Variants in ZFHX3 observed in about 807,000 individuals in gnomAD.
ZFHX3 encodes zinc finger homeobox 3, also known as zinc finger homeobox protein 3.
A neutral mutation model predicts 279.1 loss-of-function variants in ZFHX3; 42 were observed. The ratio of observed to expected loss-of-function variants is 0.15; its 90% CI spans 0.12 to 0.19. The LOEUF (loss-of-function observed/expected upper bound fraction) is 0.19. Among genes scored for constraint, ZFHX3 ranks in the 10% least tolerant of loss-of-function variants. The pLI, the probability that ZFHX3 is intolerant of heterozygous loss-of-function variation, is 1.00. For synonymous variants in ZFHX3, 2,293 were observed against 1,957.8 expected (o/e 1.17, Z -4.52); for missense variants, 4,981 against 4,754.0 (o/e 1.05, Z -1.40).
chr16:72,787,369 G>C lies in ZFHX3; in HGVS notation c.10907C>G (p.Ser3636Cys). The C allele has an allele frequency of 6.2e-7, 1 of 1,609,782 alleles. No homozygotes were observed. Among genetic ancestry groups the C allele is most frequent in the Non-Finnish European group, 8.5e-7 (1 of 1,176,934 alleles). ...AAKPPSFPPL[S>C]SSSTVTSSSC... is the part of the protein sequence containing the mutation. ...ACTTGAGGTAACCGTTGAAGATGAG[G>C]AGAGAGGAGGAAAAGAAGGGGGCTT... The change falls in exon 10 of 10, where the codon TCC (serine) becomes TGC (cysteine). Residue 3636 changes from serine (S) to cysteine (C), a missense_variant. By Grantham distance (112) the Ser-to-Cys change is moderately radical. Coordinates refer to ENST00000268489, the MANE Select transcript of ZFHX3 (RefSeq NM_006885.4).
chr16:73,271,569 G>T (rs1451191412), intron 4 of ZFHX3, among the ~76,000 whole-genome samples: 2 of 152,238 alleles, frequency 1.3e-5, no homozygotes, highest in Non-Finnish European at 2.9e-5. Flanking sequence ...CCCTGGACAT[G>T]TTCCTTAACC....
At chr16:73,128,562 G>A (rs950919494) in intron 7 of ZFHX3, among the ~76,000 whole-genome samples, 3 of 151,538 alleles carry the variant, frequency 2.0e-5, no homozygotes, top group African/African-American at 4.9e-5. Context: ...CTCAGCTTGG[G>A]TACTTAATAA....
chr16:73,273,706 C>G (rs2014216029), intron 4 of ZFHX3, among the ~76,000 whole-genome samples: 1 of 151,880 alleles, frequency 6.6e-6, no homozygotes, highest in Admixed American at 6.6e-5. Flanking sequence ...TTTTTTAAAG[C>G]CAATCTCCCA....
At chr16:73,864,371 G>A (rs193012194) in intron 1 of ZFHX3, among the ~76,000 whole-genome samples, 28 of 152,300 alleles carry the variant, frequency 1.8e-4, no homozygotes, top group Middle Eastern at 3.4e-3. Context: ...CAAAGATACC[G>A]TGATAAACAC....
chr16:73,382,851 G>T (rs2016838673), intron 3 of ZFHX3, among the ~76,000 whole-genome samples: 1 of 152,152 alleles, frequency 6.6e-6, no homozygotes, highest in Non-Finnish European at 1.5e-5. Flanking sequence ...GCTGGGATGA[G>T]GGCTACCCCT....
At chr16:73,288,909 G>T (rs1168827406) in intron 4 of ZFHX3, among the ~76,000 whole-genome samples, 3 of 150,752 alleles carry the variant, frequency 2.0e-5, no homozygotes, top group African/African-American at 7.3e-5. Context: ...CTCTTCTTCA[G>T]CAAGACTGCT....
At chr16:73,357,937 C>T (rs1840297591) in intron 3 of ZFHX3, among the ~76,000 whole-genome samples, 1 of 152,194 alleles carries the variant, frequency 6.6e-6, no homozygotes, top group South Asian at 2.1e-4. Context: ...GTACCCTGGG[C>T]CCACCCAGCA....
chr16:73,744,945 C>T (rs1480207474), intron 1 of ZFHX3, among the ~76,000 whole-genome samples: 1 of 152,146 alleles, frequency 6.6e-6, no homozygotes, highest in Non-Finnish European at 1.5e-5. Context: ...ACAGGAAATT[C>T]ATTGTTGCAA....
At chr16:73,055,517 C>A (rs1157325364) in intron 1 of ZFHX3, among the ~76,000 whole-genome samples, 1 of 152,128 alleles carries the variant, frequency 6.6e-6, no homozygotes, top group Non-Finnish European at 1.5e-5. Context: ...TTCCCCATTG[C>A]AGGATTCCTG....
At chr16:73,832,125 T>A (rs948331354) in intron 1 of ZFHX3, among the ~76,000 whole-genome samples, 3 of 152,030 alleles carry the variant, frequency 2.0e-5, no homozygotes, top group African/African-American at 7.2e-5. Context: ...GGTCTTGAAC[T>A]CCTGACCTTG....
chr16:73,026,689 A>AAAAAAAAAC (rs1555543115), intron 1 of ZFHX3, among the ~76,000 whole-genome samples: 17 of 150,830 alleles, frequency 1.1e-4, no homozygotes, highest in African/African-American at 4.2e-4. Flanking sequence ...AAAAAAAAAA[A>AAAAAAAAAC]AAAAAACACA....
intron 8 of ZFHX3, 69 bp downstream of exon 8, chr16:72,799,958 C>T (rs2036044813): frequency 1.4e-6 from 2 of 1,436,090 alleles, no homozygotes; most frequent in South Asian, 2.3e-5. Context: ...TCCTGAAAAC[C>T]TTTCTCCATG....
chr16:73,312,905 C>T (rs1233114080), intron 4 of ZFHX3, among the ~76,000 whole-genome samples: 1 of 152,220 alleles, frequency 6.6e-6, no homozygotes, highest in African/African-American at 2.4e-5. Flanking sequence ...CCTCTATCCT[C>T]ATTTTACAGA....
chr16:73,325,709 G>A (rs1287021167), intron 3 of ZFHX3, among the ~76,000 whole-genome samples: 1 of 151,938 alleles, frequency 6.6e-6, no homozygotes, highest in Non-Finnish European at 1.5e-5. Flanking sequence ...ATTAAAACAT[G>A]GGCTAAGCCT....
intron 1 of ZFHX3, among the ~76,000 whole-genome samples, chr16:73,714,177 A>T (rs759787825): frequency 2.1e-4 from 32 of 152,174 alleles, no homozygotes; most frequent in Admixed American, 6.5e-4. Flanking sequence ...AGTAGGTTTT[A>T]AAAGACAATT....
chr16:73,589,363 G>A (rs753006778), intron 2 of ZFHX3, among the ~76,000 whole-genome samples: 2 of 148,524 alleles, frequency 1.3e-5, no homozygotes, highest in South Asian at 2.2e-4. Context: ...TTGAGCCCGA[G>A]AGGTTAAGAT....
chr16:73,329,088 C>G (rs1484788065), intron 3 of ZFHX3, among the ~76,000 whole-genome samples: 1 of 152,228 alleles, frequency 6.6e-6, no homozygotes, highest in African/African-American at 2.4e-5. Flanking sequence ...AAATCAGCCT[C>G]ATTGGTAGTT....
chr16:73,541,034 T>A (rs995488112), intron 2 of ZFHX3, among the ~76,000 whole-genome samples: 1 of 152,130 alleles, frequency 6.6e-6, no homozygotes, highest in Non-Finnish European at 1.5e-5. Context: ...TGGCCCTGCC[T>A]ACCCAGCAGG....
intron 3 of ZFHX3, among the ~76,000 whole-genome samples, chr16:72,942,377 T>G (rs1960452271): frequency 1.3e-5 from 2 of 152,186 alleles, no homozygotes; most frequent in African/African-American, 4.8e-5. Flanking sequence ...GCAGATGTCA[T>G]TTATGCGAAG....
Sources: gnomAD v4.1 joint callset for allele counts (sites outside exome capture counted in the v4.1 genomes callset) on GRCh38, gnomAD v4.1.1 for gene constraint, MANE v1.5 for transcripts, NCBI Gene and HGNC (gene_info 2026-07-23, HGNC 2026-07-21) for gene names.